The following ATP6V0E1 variants were observed in gnomAD, a reference collection of about 807,000 sequenced individuals.
ATP6V0E1 encodes ATPase H+ transporting V0 subunit e1, also known as V-type proton ATPase subunit e 1.
Under a neutral mutation model 11.6 loss-of-function variants are expected in ATP6V0E1, and 4 were observed. That is an observed-to-expected ratio of 0.35 (90% CI 0.17 to 0.79). The LOEUF (loss-of-function observed/expected upper bound fraction) is 0.79. ATP6V0E1 is among the 30% of genes least tolerant of loss of function. The probability of loss-of-function intolerance (pLI) is 0.54; values close to 1 mark genes in which losing one functional copy is unlikely to be tolerated. For synonymous variants in ATP6V0E1, 36 were observed against 34.8 expected (o/e 1.04, Z -0.13); for missense variants, 105 against 100.0 (o/e 1.05, Z -0.21).
intron 3 of ATP6V0E1, among the ~76,000 whole-genome samples, chr5:173,024,404 T>C (rs1384633353): frequency 6.6e-6 from 1 of 152,102 alleles, no homozygotes; most frequent in Admixed American, 6.6e-5. Flanking sequence ...TTGTTGTTGT[T>C]GTTTTTTGTC....
chr5:173,016,985 C>T (rs1194621419), intron 2 of ATP6V0E1, among the ~76,000 whole-genome samples: 1 of 152,160 alleles, frequency 6.6e-6, no homozygotes, highest in African/African-American at 2.4e-5. Flanking sequence ...GTCACAAAAT[C>T]ACCTTTTGTT....
At chr5:172,999,316 T>C (rs1756117874) in intron 2 of ATP6V0E1, among the ~76,000 whole-genome samples, 1 of 152,136 alleles carries the variant, frequency 6.6e-6, no homozygotes, top group African/African-American at 2.4e-5. Context: ...ATGTCTTGTA[T>C]TTCCACTTTT....
At chr5:172,996,965 T>TC (rs1554118582) in intron 2 of ATP6V0E1, among the ~76,000 whole-genome samples, 9 of 151,466 alleles carry the variant, frequency 5.9e-5, no homozygotes, top group Admixed American at 4.0e-4. Context: ...TTTTTTTTTT[T>TC]CAAATACAAA....
intron 2 of ATP6V0E1, among the ~76,000 whole-genome samples, chr5:172,996,215 T>C (rs1756063488): frequency 6.6e-6 from 1 of 152,170 alleles, no homozygotes; most frequent in African/African-American, 2.4e-5. Context: ...AAAATAGCTG[T>C]GATTTAAAGA....
intron 2 of ATP6V0E1, among the ~76,000 whole-genome samples, chr5:173,005,780 C>G (rs543864366): frequency 1.1e-4 from 17 of 152,152 alleles, no homozygotes; most frequent in Non-Finnish European, 2.1e-4. Flanking sequence ...TGATATCCCA[C>G]AAATTTTGAT....
chr5:173,010,971 G>C (rs762821015), intron 2 of ATP6V0E1, among the ~76,000 whole-genome samples: 6 of 152,136 alleles, frequency 3.9e-5, no homozygotes, highest in Non-Finnish European at 8.8e-5. Context: ...GAAGTGGCCA[G>C]GGAGGGTTTA....
intron 2 of ATP6V0E1, among the ~76,000 whole-genome samples, chr5:173,005,207 A>G (rs1231005651): frequency 6.6e-6 from 1 of 151,294 alleles, no homozygotes; most frequent in Admixed American, 6.6e-5. Flanking sequence ...TGTGTTGAAT[A>G]TATCAATTTG....
At chr5:172,984,672 A>G (rs1046521357) in intron 1 of ATP6V0E1, among the ~76,000 whole-genome samples, 8 of 152,196 alleles carry the variant, frequency 5.3e-5, no homozygotes, top group African/African-American at 1.9e-4. Flanking sequence ...TTGGAATTAA[A>G]CTTTTTAACT....
At chr5:172,997,670 G>A (rs185954459) in intron 2 of ATP6V0E1, among the ~76,000 whole-genome samples, 272 of 152,084 alleles carry the variant, frequency 1.8e-3, no homozygotes, top group African/African-American at 6.3e-3. Context: ...AAATTTAGCC[G>A]AGCGTGGTGG....
At chr5:173,032,253 A>ATTTTATT (rs70984930) in intron 3 of ATP6V0E1, among the ~76,000 whole-genome samples, 14 of 124,362 alleles carry the variant, frequency 1.1e-4, no homozygotes, top group African/African-American at 4.2e-4. Context: ...ATTTTATTTT[A>ATTTTATT]TTTATTTATT....
chr5:173,009,190 C>T (rs530072395), intron 2 of ATP6V0E1, among the ~76,000 whole-genome samples: 16 of 151,974 alleles, frequency 1.1e-4, no homozygotes, highest in East Asian at 1.9e-4. Context: ...TGCACCACTG[C>T]GCTCCAGCCT....
At chr5:173,016,936 A>G (rs959275669) in intron 2 of ATP6V0E1, among the ~76,000 whole-genome samples, 6 of 152,170 alleles carry the variant, frequency 3.9e-5, no homozygotes, top group Admixed American at 2.6e-4. Flanking sequence ...AGCTTGAACT[A>G]TCTGTTTTGG....
At position 173,010,488 on chromosome 5, in the gene ATP6V0E1, G is replaced by A. The variant is rs563664330; in HGVS notation, c.153-9750G>A. ...GAGACAGTGGGCTTGGGGTTGTAAG[G>A]ACATTTGCCTGGATTCAGTTCACCG... is the stretch of plus-strand genomic sequence containing the variant. On this transcript the variant is annotated intron_variant, in intron 2 of 3. Transcript: ENST00000519374. Among the ~76,000 whole-genome samples, 6 of 152,308 alleles carry A rather than the reference G, an allele frequency of 3.9e-5. No homozygotes were observed. In the South Asian group the frequency reaches 1.0e-3, roughly 26 times the overall value.
At chr5:173,029,039 T>C (rs918449005) in intron 3 of ATP6V0E1, among the ~76,000 whole-genome samples, 4 of 152,216 alleles carry the variant, frequency 2.6e-5, no homozygotes, top group Admixed American at 2.6e-4. Flanking sequence ...AAATGCTGTT[T>C]TATTATAAAG....
At chr5:172,999,920 T>C (rs991085535) in intron 2 of ATP6V0E1, among the ~76,000 whole-genome samples, 10 of 152,170 alleles carry the variant, frequency 6.6e-5, no homozygotes, top group Non-Finnish European at 2.9e-5. Flanking sequence ...GATATCTGAG[T>C]GAAAAATGTG....
chr5:172,988,777 C>T (rs1755936521), intron 1 of ATP6V0E1, among the ~76,000 whole-genome samples: 1 of 152,148 alleles, frequency 6.6e-6, no homozygotes, highest in Admixed American at 6.5e-5. Context: ...AAACCTCCAC[C>T]TCCCAGGTTC....
chr5:173,023,205 TC>T (rs398050966), intron 3 of ATP6V0E1, among the ~76,000 whole-genome samples: 1 of 9,742 alleles, frequency 1.0e-4, no homozygotes, highest in Non-Finnish European at 1.4e-4. Flanking sequence ...ATTTATTTAT[TC>T]ATTTTGAGAC....
intron 2 of ATP6V0E1, among the ~76,000 whole-genome samples, chr5:173,002,260 C>T (rs1198108881): frequency 6.6e-6 from 1 of 152,192 alleles, no homozygotes; most frequent in African/African-American, 2.4e-5. Flanking sequence ...CATCAAATAT[C>T]CTATCATATT....
intron 1 of ATP6V0E1, among the ~76,000 whole-genome samples, chr5:172,988,892 T>C (rs1755938953): frequency 6.6e-6 from 1 of 152,220 alleles, no homozygotes; most frequent in South Asian, 2.1e-4. Context: ...TTTCACCATG[T>C]TGGCCAGGCT....
Sources: gnomAD v4.1 joint callset for allele counts (sites outside exome capture counted in the v4.1 genomes callset) on GRCh38, gnomAD v4.1.1 for gene constraint, MANE v1.5 for transcripts, NCBI Gene and HGNC (gene_info 2026-07-23, HGNC 2026-07-21) for gene names.